Variants in PKHD1L1 observed in about 807,000 individuals in gnomAD.
The protein encoded by PKHD1L1 is PKHD1 like 1.
A neutral mutation model predicts 462.9 loss-of-function variants in PKHD1L1; 434 were observed. The observed-to-expected ratio is 0.94, with a 90% CI of 0.87 to 1.02. PKHD1L1 has a LOEUF of 1.02. PKHD1L1 is among the 50% of genes least tolerant of loss of function. The pLI is 0.00. For missense variants in PKHD1L1, 5,202 were observed against 5,096.1 expected (o/e 1.02, Z -0.63); for synonymous variants, 1,781 against 1,750.0 (o/e 1.02, Z -0.44).
At chr8:109,468,125 T>G (rs1817545695) in intron 50 of PKHD1L1, among the ~76,000 whole-genome samples, 1 of 152,204 alleles carries the variant, frequency 6.6e-6, no homozygotes, top group African/African-American at 2.4e-5. Context: ...AATTAAGATT[T>G]GAAAGTGTTT....
chr8:109,404,876 T>C lies in PKHD1L1; in HGVS notation c.1534-119T>C, dbSNP rs191546202. ...TATTTGTACGATAAGCCAAAAAGGC[T>C]GTTACTTGTCATTTGTAGTAAAATA... is the stretch of plus-strand genomic sequence containing the variant. On this transcript the variant is annotated intron_variant, in intron 15 of 77. Coordinates refer to ENST00000378402, the MANE Select transcript of PKHD1L1 (RefSeq NM_177531.6). The C allele has an allele frequency of 1.0e-5, 11 of 1,096,382 alleles. No homozygotes were observed. In the African/African-American group the frequency reaches 1.8e-4, roughly 18 times the overall value. The allele number at this position is 1,096,382 out of a possible 1,614,324, so 67.9% of individuals were successfully genotyped here. A position where few individuals can be genotyped will look rare whatever the true frequency, so the allele number is the denominator to read the frequency against.
chr8:109,380,612 C>A (rs2130406373), intron 2 of PKHD1L1, among the ~76,000 whole-genome samples: 1 of 152,266 alleles, frequency 6.6e-6, no homozygotes, highest in Admixed American at 6.5e-5. Flanking sequence ...CCAATGGGGA[C>A]CAGATTTGAT....
At chr8:109,364,670 G>C in intron 2 of PKHD1L1, 34 bp downstream of exon 2, 3 of 1,129,500 alleles carry the variant, frequency 2.7e-6, no homozygotes, top group Non-Finnish European at 3.6e-6. Context: ...TTTTTGCCAA[G>C]GTTGAGGTAT....
At chr8:109,492,430 G>A (rs1209822448) in intron 62 of PKHD1L1, among the ~76,000 whole-genome samples, 3 of 151,768 alleles carry the variant, frequency 2.0e-5, no homozygotes, top group Non-Finnish European at 4.4e-5. Flanking sequence ...TACTATAGGT[G>A]TTTGTTGAGA....
chr8:109,478,845 G>A (rs1818128949), intron 53 of PKHD1L1, among the ~76,000 whole-genome samples: 1 of 151,998 alleles, frequency 6.6e-6, no homozygotes, highest in South Asian at 2.1e-4. Flanking sequence ...TTCATCACTG[G>A]AAATAGTTAT....
At chr8:109,418,181 A>C (rs2130634195) in intron 21 of PKHD1L1, among the ~76,000 whole-genome samples, 1 of 152,282 alleles carries the variant, frequency 6.6e-6, no homozygotes, top group South Asian at 2.1e-4. Flanking sequence ...TGTGGTTTTT[A>C]AAATTTTAGA....
chr8:109,378,465 C>T (rs1413995850), intron 2 of PKHD1L1, among the ~76,000 whole-genome samples: 1 of 152,194 alleles, frequency 6.6e-6, no homozygotes, highest in Admixed American at 6.5e-5. Flanking sequence ...CAAACATGGT[C>T]CCACCACAGG....
intron 76 of PKHD1L1, among the ~76,000 whole-genome samples, chr8:109,523,907 C>T (rs1057438988): frequency 6.6e-6 from 1 of 152,168 alleles, no homozygotes; most frequent in Non-Finnish European, 1.5e-5. Flanking sequence ...GAACAAATGT[C>T]TCCTGTGATT....
chr8:109,429,897 C>A, intron 26 of PKHD1L1, 35 bp from the exon 27 acceptor site: 2 of 1,421,570 alleles, frequency 1.4e-6, no homozygotes, highest in Non-Finnish European at 2.0e-6. Context: ...GCCTCTTTGC[C>A]CATGTTCTGT....
chr8:109,389,652 C>T (rs1458494259), intron 8 of PKHD1L1, among the ~76,000 whole-genome samples: 1 of 151,926 alleles, frequency 6.6e-6, no homozygotes, highest in African/African-American at 2.4e-5. Flanking sequence ...CTCAGCTTCC[C>T]GAGTAGCCGG....
intron 73 of PKHD1L1, among the ~76,000 whole-genome samples, chr8:109,520,202 C>G (rs1820477808): frequency 6.6e-6 from 1 of 152,110 alleles, no homozygotes; most frequent in Non-Finnish European, 1.5e-5. Flanking sequence ...TAATAGTTAA[C>G]TTTCCTTCGT....
intron 73 of PKHD1L1, among the ~76,000 whole-genome samples, chr8:109,518,868 G>A (rs1820410920): frequency 6.6e-6 from 1 of 152,064 alleles, no homozygotes; most frequent in Admixed American, 6.6e-5. Context: ...TTCAAGCTAT[G>A]GAAACTGTTG....
intron 39 of PKHD1L1, among the ~76,000 whole-genome samples, chr8:109,448,947 T>A (rs1816325649): frequency 6.6e-6 from 1 of 152,150 alleles, no homozygotes; most frequent in African/African-American, 2.4e-5. Context: ...TATTTCTACA[T>A]AAATTAGTAT....
chr8:109,481,493 C>T lies in PKHD1L1; in HGVS notation c.9388C>T (p.Leu3130Phe). The T allele has an allele frequency of 1.3e-6, 2 of 1,597,430 alleles. No individual in the cohort carries two copies. The highest frequency in any genetic ancestry group is 1.1e-5 in the South Asian group (1 of 88,228). The change falls in exon 56 of 78, where the codon CTT (leucine) becomes TTT (phenylalanine). Residue 3130 changes from leucine (L) to phenylalanine (F), a missense_variant. Leu to Phe is a conservative substitution (Grantham distance 22). Around this residue, in one of 3 missense-constraint regions of PKHD1L1, gnomAD observed 4,497 missense variants for 4,336.8 expected, o/e 1.04. Coordinates refer to ENST00000378402, the MANE Select transcript of PKHD1L1 (RefSeq NM_177531.6). ...NPFKGDLKIV[L>F]RGNHTTQDWA... The stretch of plus-strand genomic sequence containing the variant: ...TTTTAAAGGAGACTTAAAGATTGTT[C>T]TTAGAGGAAATCATACTACACAAGA...
intron 10 of PKHD1L1, among the ~76,000 whole-genome samples, chr8:109,394,714 A>G (rs1178344668): frequency 6.6e-6 from 1 of 152,186 alleles, no homozygotes; most frequent in Non-Finnish European, 1.5e-5. Flanking sequence ...AAATAAACTC[A>G]TTACACTAAC....
chr8:109,424,515 G>A (rs1814636591), intron 23 of PKHD1L1, among the ~76,000 whole-genome samples: 2 of 152,156 alleles, frequency 1.3e-5, no homozygotes, highest in South Asian at 2.1e-4. Context: ...ATCAACAGGA[G>A]AATATAATTT....
chr8:109,495,339 C>A (rs1819032407), intron 63 of PKHD1L1, among the ~76,000 whole-genome samples: 2 of 151,922 alleles, frequency 1.3e-5, no homozygotes, highest in South Asian at 2.1e-4. Flanking sequence ...ATCAAAATAT[C>A]TTTGAATATG....
intron 46 of PKHD1L1, among the ~76,000 whole-genome samples, chr8:109,456,824 G>A (rs1036204635): frequency 6.6e-5 from 10 of 152,134 alleles, no homozygotes; most frequent in African/African-American, 1.9e-4. Context: ...AAAGCAGCTA[G>A]TGAACTCTCT....
rs764488160 is a variant in PKHD1L1 at position 109,490,998 on chromosome 8, T to G, written c.10011T>G (p.Ile3337Met). The change falls in exon 61 of 78, where the codon ATT (isoleucine) becomes ATG (methionine). Residue 3337 changes from isoleucine (I) to methionine (M), a missense_variant. By Grantham distance (10) the Ile-to-Met change is conservative. Around this residue, in one of 3 missense-constraint regions of PKHD1L1, gnomAD observed 4,497 missense variants for 4,336.8 expected, o/e 1.04. Transcript: ENST00000378402. The part of the protein sequence containing the change: ...GQIQEHGSSY[I>M]RGCAFHHGFS... Reference sequence around the variant, plus strand: ...TTCAAGAACATGGCTCATCTTATATTCGAGGCTGTGCTTTTCACCATGGCT... The same window carrying G: ...TTCAAGAACATGGCTCATCTTATATGCGAGGCTGTGCTTTTCACCATGGCT... 6.2e-7 allele frequency: 1 copy of G among 1,608,726 alleles called. No individual in the cohort carries two copies. The highest frequency in any genetic ancestry group is 2.2e-5 in the East Asian group (1 of 44,712).
Sources: allele counts gnomAD v4.1 joint callset (sites outside exome capture counted in the v4.1 genomes callset), GRCh38; gene constraint gnomAD v4.1.1; regional missense constraint gnomAD v4.1.1; transcripts MANE v1.5; gene names NCBI Gene and HGNC (gene_info 2026-07-23, HGNC 2026-07-21).